Variants in AKAP13 observed in about 807,000 individuals in gnomAD.
AKAP13 encodes the protein A-kinase anchor protein 13.
AKAP13 carries 80 observed loss-of-function variants against 264.5 expected under a neutral mutation model. The ratio of observed to expected loss-of-function variants is 0.30; its 90% CI spans 0.25 to 0.36. AKAP13 has a LOEUF of 0.36. Ranked by LOEUF, AKAP13 falls within the 10% of genes least tolerant of loss-of-function variation. The pLI is 1.00. For missense variants in AKAP13, 3,712 were observed against 3,435.2 expected, an observed-to-expected ratio of 1.08 and a Z score of -2.01; for synonymous variants, 1,380 against 1,250.2, an observed-to-expected ratio of 1.10 and a Z score of -2.19.
chr15:85,399,535 A>AAAAAAAAAAAAT (rs1567038735), intron 1 of AKAP13, among the ~76,000 whole-genome samples: 14 of 105,596 alleles, frequency 1.3e-4, no homozygotes, highest in African/African-American at 4.1e-4. Context: ...AAAAAATAAA[A>AAAAAAAAAAAAT]AAATAAATAA....
chr15:85,478,262 T>C (rs1191365465), intron 1 of AKAP13, among the ~76,000 whole-genome samples: 1 of 152,236 alleles, frequency 6.6e-6, no homozygotes, highest in Non-Finnish European at 1.5e-5. Flanking sequence ...ATTGAGTTTT[T>C]ATGTGCCAGG....
chr15:85,682,167 C>T lies in AKAP13; in HGVS notation c.5111C>T (p.Pro1704Leu). 6.2e-7 allele frequency: 1 copy of T among 1,613,430 alleles called. No homozygotes were observed. The highest frequency in any genetic ancestry group is 8.5e-7 in the Non-Finnish European group (1 of 1,179,906). Residue 1704 changes from proline (P) to leucine (L), a missense_variant, in exon 15 of 37, where the codon CCC becomes CTC. Around this residue, in one of 3 missense-constraint regions of AKAP13, gnomAD observed 2,759 missense variants for 2,411.7 expected, o/e 1.14. Transcript: ENST00000394518. Reference protein sequence around the residue: ...ISHPGLDNSRPFHSTFHNTSA... With the variant: ...ISHPGLDNSRLFHSTFHNTSA... ...CTGCCTTGTTTTCTAGATTCACGGCCCTTCCACAGTACCTTCCACAATACC... is the reference window on the plus strand; with the variant it reads ...CTGCCTTGTTTTCTAGATTCACGGCTCTTCCACAGTACCTTCCACAATACC...
intron 1 of AKAP13, among the ~76,000 whole-genome samples, chr15:85,402,038 C>G (rs1422985669): frequency 6.6e-6 from 1 of 152,182 alleles, no homozygotes; most frequent in Non-Finnish European, 1.5e-5. Context: ...CTGCCAACAA[C>G]CTTGGGCAAG....
At position 85,441,021 on chromosome 15, in the gene AKAP13, G is replaced by A. The variant is rs66667246; in HGVS notation, c.-11-44689G>A. ...CTGATGTCATTGGTGTCATTCGAAG[G>A]TTTACACATTTCTGTTCACTTGAGG... On this transcript the variant is annotated intron_variant, in intron 1 of 36. Transcript: ENST00000394518. Among the ~76,000 whole-genome samples, 6 of 152,198 alleles carry A rather than the reference G, an allele frequency of 3.9e-5. No individual in the cohort carries two copies. The East Asian group carries it at 9.6e-4, about 24-fold the overall frequency.
intron 34 of AKAP13, 123 bp from the exon 35 acceptor site, chr15:85,740,923 A>G: frequency 6.9e-7 from 1 of 1,455,592 alleles, no homozygotes; most frequent in Non-Finnish European, 9.1e-7. Flanking sequence ...GGGCTTGAAA[A>G]ATGAGGGGAG....
At chr15:85,575,366 G>T in intron 6 of AKAP13, 37 bp downstream of exon 6, 1 of 1,569,822 alleles carries the variant, frequency 6.4e-7, no homozygotes, top group South Asian at 1.1e-5. Flanking sequence ...GTATATGCAT[G>T]TGTATGTGTG....
chr15:85,478,023 G>GCTT, intron 1 of AKAP13, among the ~76,000 whole-genome samples: 1 of 152,254 alleles, frequency 6.6e-6, no homozygotes, highest in Non-Finnish European at 1.5e-5. Flanking sequence ...CCCATGGTTT[G>GCTT]CTTCTTCCAG....
intron 9 of AKAP13, 51 bp from the exon 10 acceptor site, chr15:85,645,767 G>GTTTTTT: frequency 3.5e-6 from 5 of 1,427,184 alleles, no homozygotes; most frequent in Admixed American, 2.6e-5. Flanking sequence ...TTGTTTTTTG[G>GTTTTTT]TTTTTTTGTT....
At chr15:85,406,790 A>G (rs1002472633) in intron 1 of AKAP13, among the ~76,000 whole-genome samples, 1 of 151,764 alleles carries the variant, frequency 6.6e-6, no homozygotes, top group Non-Finnish European at 1.5e-5. Flanking sequence ...TTGTGTTAGG[A>G]GAACATAGAC....
intron 6 of AKAP13, 41 bp downstream of exon 6, chr15:85,575,370 ATGTGTG>A: frequency 6.4e-7 from 1 of 1,569,528 alleles, no homozygotes; most frequent in Non-Finnish European, 8.8e-7. Context: ...ATGCATGTGT[ATGTGTG>A]TGTTTTGTAT....
chr15:85,407,904 C>A (rs2071754564), intron 1 of AKAP13, among the ~76,000 whole-genome samples: 1 of 151,502 alleles, frequency 6.6e-6, no homozygotes, highest in Non-Finnish European at 1.5e-5. Flanking sequence ...GAGGCCATTA[C>A]CATAGTTTTG....
At chr15:85,611,135 C>T (rs1026239995) in intron 8 of AKAP13, among the ~76,000 whole-genome samples, 22 of 152,202 alleles carry the variant, frequency 1.4e-4, no homozygotes, top group African/African-American at 4.8e-4. Flanking sequence ...ATTTGCATGA[C>T]GTTTTTACAG....
chr15:85,686,167 ATG>A (rs1260899169), intron 16 of AKAP13, among the ~76,000 whole-genome samples: 6 of 105,534 alleles, frequency 5.7e-5, no homozygotes, highest in Non-Finnish European at 1.2e-4. Context: ...GTGTGTGTGT[ATG>A]TGTGTGTGTG....
intron 5 of AKAP13, among the ~76,000 whole-genome samples, chr15:85,559,832 CT>C (rs2078296241): frequency 6.6e-6 from 1 of 152,124 alleles, no homozygotes; most frequent in Admixed American, 6.5e-5. Context: ...TAGACTGGTA[CT>C]GGTTTGTGGC....
At chr15:85,664,881 C>T (rs1479487266) in intron 13 of AKAP13, 126 bp downstream of exon 13, 1 of 898,410 alleles carries the variant, frequency 1.1e-6, no homozygotes, top group Non-Finnish European at 1.6e-6. Flanking sequence ...TATACTTAAT[C>T]TAGCACTAAA....
At position 85,580,265 on chromosome 15, in the gene AKAP13, C is replaced by T. The variant is rs775639445; in HGVS notation, c.2197C>T (p.Pro733Ser). The T allele has an allele frequency of 8.7e-6, 14 of 1,614,054 alleles. No homozygotes were observed. The Admixed American group carries it at 1.5e-4, about 17-fold the overall frequency. ...RDTQERADFCPFKVVDNKGQR... is the reference protein window; with the variant it reads ...RDTQERADFCSFKVVDNKGQR... Reference sequence around the variant, plus strand: ...TACCCAGGAACGTGCGGATTTTTGTCCTTTCAAAGTGGTGGATAACAAAGG... The same window carrying T: ...TACCCAGGAACGTGCGGATTTTTGTTCTTTCAAAGTGGTGGATAACAAAGG... The change falls in exon 7 of 37, where the codon CCT (proline) becomes TCT (serine). Residue 733 changes from proline to serine, a missense_variant. This residue lies in a region of AKAP13 where 2,759 missense variants were observed against 2,411.7 expected (regional missense o/e 1.14). Coordinates refer to ENST00000394518, the MANE Select transcript of AKAP13 (RefSeq NM_007200.5).
At chr15:85,471,879 T>C (rs1476561599) in intron 1 of AKAP13, among the ~76,000 whole-genome samples, 1 of 152,256 alleles carries the variant, frequency 6.6e-6, no homozygotes, top group Non-Finnish European at 1.5e-5. Context: ...GCTTGCCTTA[T>C]GAAAGACTAC....
At chr15:85,480,711 G>C (rs2075325141) in intron 1 of AKAP13, among the ~76,000 whole-genome samples, 1 of 151,900 alleles carries the variant, frequency 6.6e-6, no homozygotes, top group Non-Finnish European at 1.5e-5. Context: ...TTTTGAGACA[G>C]AGTTTCTCTC....
intron 8 of AKAP13, among the ~76,000 whole-genome samples, chr15:85,591,151 A>C (rs994515404): frequency 2.6e-5 from 4 of 152,208 alleles, no homozygotes; most frequent in African/African-American, 9.6e-5. Context: ...TGGATTCAGG[A>C]TAGTTAAATG....
Sources: gnomAD v4.1 joint callset for allele counts (sites outside exome capture counted in the v4.1 genomes callset) on GRCh38, gnomAD v4.1.1 for gene constraint, gnomAD v4.1.1 regional missense constraint, MANE v1.5 for transcripts, NCBI Gene and HGNC (gene_info 2026-07-23, HGNC 2026-07-21) for gene names.